The following CLYBL variants were observed in gnomAD, a reference collection of about 807,000 sequenced individuals.
CLYBL encodes citramalyl-CoA lyase.
In CLYBL, 31 loss-of-function variants were observed where a neutral mutation model predicts 38.9. The observed-to-expected ratio is 0.80, with a 90% confidence interval of 0.60 to 1.08. The LOEUF is 1.08. Ranked by LOEUF, CLYBL falls within the 50% of genes least tolerant of loss-of-function variation. The pLI is 0.00. For synonymous variants in CLYBL, 171 were observed against 158.6 expected (o/e 1.08, Z -0.59); for missense variants, 434 against 411.6 (o/e 1.05, Z -0.47).
At chr13:99,853,349 G>A (rs1566354511) in intron 2 of CLYBL, among the ~76,000 whole-genome samples, 2 of 150,124 alleles carry the variant, frequency 1.3e-5, no homozygotes, top group African/African-American at 4.8e-5. Context: ...CTATAAACCT[G>A]TGTTTTAATG....
chr13:99,832,398 T>C (rs1392804096), intron 2 of CLYBL, among the ~76,000 whole-genome samples: 1 of 152,222 alleles, frequency 6.6e-6, no homozygotes, highest in Non-Finnish European at 1.5e-5. Context: ...CTTTTTCTTC[T>C]TATTGAATTC....
At chr13:99,693,824 G>A (rs1350838846) in intron 1 of CLYBL, among the ~76,000 whole-genome samples, 1 of 152,166 alleles carries the variant, frequency 6.6e-6, no homozygotes, top group African/African-American at 2.4e-5. Context: ...GGCTGGAGCA[G>A]CATCTTTCTG....
downstream of CLYBL, among the ~76,000 whole-genome samples, chr13:99,897,331 C>T (rs1163537843): frequency 6.6e-6 from 1 of 152,188 alleles, no homozygotes. Context: ...GCCCCATTCC[C>T]CCTTTGCTCA....
intron 7 of CLYBL, among the ~76,000 whole-genome samples, chr13:99,886,598 C>T (rs149587213): frequency 6.6e-4 from 100 of 152,340 alleles, no homozygotes; most frequent in African/African-American, 2.4e-3. Flanking sequence ...CAACAAATAA[C>T]GCCATAGGTA....
At chr13:99,870,091 A>G (rs949861245) in intron 6 of CLYBL, among the ~76,000 whole-genome samples, 1 of 152,066 alleles carries the variant, frequency 6.6e-6, no homozygotes, top group Non-Finnish European at 1.5e-5. Flanking sequence ...AGAATCATAA[A>G]TCTTTTTGGA....
rs956829979 is a variant in CLYBL at position 99,821,178 on chromosome 13, A to C, written c.250-37683A>C. On this transcript the variant is annotated intron_variant, in intron 2 of 8. Coordinates refer to ENST00000339105, the MANE Select transcript of CLYBL (RefSeq NM_206808.5). ...CTGGGAACACAGTAATCTTGGTCCTATTCCTAATAATGGAATACAGGCTCC... is the reference window on the plus strand; with the variant it reads ...CTGGGAACACAGTAATCTTGGTCCTCTTCCTAATAATGGAATACAGGCTCC... Among the ~76,000 whole-genome samples, 3 of 152,186 alleles carry C rather than the reference A, an allele frequency of 2.0e-5. No individual in the cohort carries two copies. In the South Asian group the frequency reaches 6.2e-4, roughly 32 times the overall value.
At chr13:99,636,826 T>A (rs1288990732) in intron 1 of CLYBL, among the ~76,000 whole-genome samples, 1 of 152,108 alleles carries the variant, frequency 6.6e-6, no homozygotes, top group Non-Finnish European at 1.5e-5. Context: ...TCCATTATAG[T>A]CACAGTGGCA....
chr13:99,895,599 A>C (rs538416233), downstream of CLYBL: 1 of 152,320 alleles, frequency 6.6e-6, no homozygotes, highest in East Asian at 1.9e-4. Flanking sequence ...TGACTTTCCC[A>C]GACCCCGCGG....
chr13:99,677,207 A>G (rs2047666563), intron 1 of CLYBL, among the ~76,000 whole-genome samples: 2 of 152,224 alleles, frequency 1.3e-5, no homozygotes, highest in South Asian at 4.1e-4. Context: ...TGAAAAGATC[A>G]GATTATTTCA....
rs1020249503 is a variant in CLYBL, at chr13:99,858,852, C to A, written c.250-9C>A. The A allele has an allele frequency of 1.0e-5, 16 of 1,583,106 alleles. No individual in the cohort carries two copies. Among genetic ancestry groups the A allele is most frequent in the Non-Finnish European group, 1.3e-5 (15 of 1,165,746 alleles). The stretch of plus-strand genomic sequence containing the variant: ...AAATAAACAATAAACTTTTTATTGA[C>A]ACTTACAGAATGAAGCTCGACTGAG... On this transcript the variant is annotated splice_polypyrimidine_tract_variant and intron_variant, in intron 2 of 8. Coordinates refer to ENST00000339105, the MANE Select transcript of CLYBL (RefSeq NM_206808.5).
intron 2 of CLYBL, among the ~76,000 whole-genome samples, chr13:99,819,448 ATATATATATATATAT>A (rs2050537472): frequency 4.6e-5 from 4 of 86,332 alleles, no homozygotes; most frequent in African/African-American, 1.3e-4. Flanking sequence ...ATATATATAT[ATATATATATATATAT>A]ATATAATATT....
At chr13:99,898,080 A>C (rs761218481), downstream of CLYBL, among the ~76,000 whole-genome samples, 2 of 152,212 alleles carry the variant, frequency 1.3e-5, no homozygotes, top group African/African-American at 2.4e-5. Context: ...CTTACAAAAA[A>C]CAAGAGAGGC....
rs72656013 is a variant in CLYBL, at chr13:99,890,768, G to C, written c.928-550G>C. ...CAGGTGTGAGCCACTGCGCCTGGCC[G>C]TCCCTGGTCACTCTAATCGTCTTCT... On this transcript the variant is annotated intron_variant, in intron 7 of 8. Coordinates refer to ENST00000339105, the MANE Select transcript of CLYBL (RefSeq NM_206808.5). Among the ~76,000 whole-genome samples the C allele has an allele frequency of 2.0e-5, 3 of 151,952 alleles. No homozygotes were observed. The East Asian group carries it at 5.8e-4, about 29-fold the overall frequency.
chr13:99,655,470 C>T (rs751944267), intron 1 of CLYBL, among the ~76,000 whole-genome samples: 11 of 152,354 alleles, frequency 7.2e-5, no homozygotes, highest in Non-Finnish European at 1.3e-4. Context: ...GCTCAGCAAC[C>T]TCTAGTTGCT....
At chr13:99,657,726 A>AT (rs2047349104) in intron 1 of CLYBL, among the ~76,000 whole-genome samples, 1 of 152,136 alleles carries the variant, frequency 6.6e-6, no homozygotes, top group African/African-American at 2.4e-5. Flanking sequence ...TATTGCATAC[A>AT]TTTTATACTG....
chr13:99,744,346 A>G (rs188883313), intron 1 of CLYBL, among the ~76,000 whole-genome samples: 1 of 152,272 alleles, frequency 6.6e-6, no homozygotes, highest in African/African-American at 2.4e-5. Context: ...TGACTTTTGA[A>G]TAGTTACTCA....
intron 1 of CLYBL, among the ~76,000 whole-genome samples, chr13:99,632,763 CAAAAAA>C (rs1001311841): frequency 6.6e-6 from 1 of 150,726 alleles, no homozygotes; most frequent in Non-Finnish European, 1.5e-5. Flanking sequence ...AAAACAAAAA[CAAAAAA>C]ACCCCACTAG....
rs759756622 is a variant in CLYBL, at chr13:99,858,955, T to C, written c.344T>C (p.Leu115Pro). ...AGAGTCAACTCAGTTTCCAGTGGTC[T>C]GGCGGAAGAAGACCTAGAGACCCTT... Reference protein sequence around the residue: ...CVRVNSVSSGLAEEDLETLLQ... With the variant: ...CVRVNSVSSGPAEEDLETLLQ... The change falls in exon 3 of 9, where the codon CTG becomes CCG. Residue 115 changes from leucine to proline, a missense_variant. Leu to Pro is a moderately conservative substitution (Grantham distance 98). Coordinates refer to ENST00000339105, the MANE Select transcript of CLYBL (RefSeq NM_206808.5). The C allele has an allele frequency of 4.0e-5, 64 of 1,614,058 alleles. No individual in the cohort carries two copies. The highest frequency in any genetic ancestry group is 5.3e-5 in the Non-Finnish European group (63 of 1,180,012).
intron 1 of CLYBL, among the ~76,000 whole-genome samples, chr13:99,758,860 T>C (rs1468468285): frequency 2.0e-5 from 3 of 152,228 alleles, no homozygotes; most frequent in Non-Finnish European, 4.4e-5. Flanking sequence ...AGGCTGTTCT[T>C]TGGGGTGTCC....
Sources: allele counts gnomAD v4.1 joint callset (sites outside exome capture counted in the v4.1 genomes callset), GRCh38; gene constraint gnomAD v4.1.1; transcripts MANE v1.5; gene names NCBI Gene and HGNC (gene_info 2026-07-23, HGNC 2026-07-21).